The following CDK14 variants were observed in gnomAD, a reference collection of about 807,000 sequenced individuals.
CDK14 encodes cyclin dependent kinase 14, also known as cyclin-dependent kinase 14.
In CDK14, 34 loss-of-function variants were observed where a neutral mutation model predicts 60.7. The observed-to-expected ratio is 0.56, with a 90% CI of 0.43 to 0.75. The LOEUF (loss-of-function observed/expected upper bound fraction) is 0.75. CDK14 is among the 30% of genes least tolerant of loss of function. CDK14 has a pLI of 0.00. For synonymous variants in CDK14, 197 were observed against 203.7 expected (o/e 0.97, Z 0.28); for missense variants, 482 against 564.1 (o/e 0.85, Z 1.47).
chr7:90,876,245 C>T (rs891577310), intron 6 of CDK14, among the ~76,000 whole-genome samples: 4 of 152,178 alleles, frequency 2.6e-5, no homozygotes, highest in Non-Finnish European at 5.9e-5. Flanking sequence ...GAAAAAACTT[C>T]CAAACTCCTG....
intron 2 of CDK14, among the ~76,000 whole-genome samples, chr7:90,656,028 T>C (rs192848490): frequency 1.6e-4 from 24 of 152,318 alleles, no homozygotes; most frequent in African/African-American, 5.1e-4. Flanking sequence ...GATTAGCCCA[T>C]GTTTTTAAAG....
At chr7:90,793,399 G>T (rs1805912165) in intron 5 of CDK14, among the ~76,000 whole-genome samples, 1 of 152,184 alleles carries the variant, frequency 6.6e-6, no homozygotes, top group Non-Finnish European at 1.5e-5. Flanking sequence ...AAAAGATTGT[G>T]ATTTTTAAGG....
intron 12 of CDK14, among the ~76,000 whole-genome samples, chr7:91,101,086 A>G (rs1799135667): frequency 6.6e-6 from 1 of 152,234 alleles, no homozygotes. Context: ...GTTAACAAGA[A>G]TATAGAAAGA....
chr7:90,902,834 C>A (rs1792560081), intron 7 of CDK14, among the ~76,000 whole-genome samples: 1 of 152,084 alleles, frequency 6.6e-6, no homozygotes, highest in African/African-American at 2.4e-5. Context: ...TATTTGCAAA[C>A]TCTTCATCTG....
chr7:90,752,920 A>G (rs1434948258), intron 4 of CDK14, among the ~76,000 whole-genome samples: 1 of 152,156 alleles, frequency 6.6e-6, no homozygotes, highest in African/African-American at 2.4e-5. Flanking sequence ...TCTGGAACAC[A>G]TAACCTCCCA....
At chr7:91,057,312 G>A (rs1383326804) in intron 11 of CDK14, among the ~76,000 whole-genome samples, 3 of 152,060 alleles carry the variant, frequency 2.0e-5, no homozygotes, top group Non-Finnish European at 4.4e-5. Context: ...TTAGCCCTTT[G>A]TCAGATGAGT....
At chr7:91,170,964 C>T (rs1289855169) in intron 14 of CDK14, among the ~76,000 whole-genome samples, 1 of 151,834 alleles carries the variant, frequency 6.6e-6, no homozygotes, top group African/African-American at 2.4e-5. Context: ...GACAGGGTTT[C>T]ACCATGTCAG....
At chr7:91,198,649 A>T (rs73215188) in intron 14 of CDK14, among the ~76,000 whole-genome samples, 2,748 of 152,322 alleles carry the variant, frequency 0.018, 64 homozygotes, top group East Asian at 0.086. Flanking sequence ...TGCTGACATC[A>T]TTCTGTATTA....
At chr7:91,192,526 G>A (rs1052733879) in intron 14 of CDK14, among the ~76,000 whole-genome samples, 2 of 152,140 alleles carry the variant, frequency 1.3e-5, no homozygotes, top group African/African-American at 4.8e-5. Flanking sequence ...TCCCTTCTGA[G>A]AGGGAACTTA....
intron 6 of CDK14, among the ~76,000 whole-genome samples, chr7:90,884,066 T>C (rs1482665875): frequency 6.6e-6 from 1 of 152,188 alleles, no homozygotes; most frequent in African/African-American, 2.4e-5. Context: ...CTATTCAATA[T>C]AGTGTTGGAA....
intron 2 of CDK14, among the ~76,000 whole-genome samples, chr7:90,615,707 C>G (rs1455084026): frequency 6.6e-6 from 1 of 151,982 alleles, no homozygotes; most frequent in African/African-American, 2.4e-5. Flanking sequence ...TCTTGGATAA[C>G]TTAGTTGTCT....
chr7:91,177,024 C>CA (rs1201304310), intron 14 of CDK14, among the ~76,000 whole-genome samples: 1 of 149,620 alleles, frequency 6.7e-6, no homozygotes, highest in East Asian at 2.0e-4. Flanking sequence ...AATTTTAGAC[C>CA]AATATCCTTG....
chr7:91,062,743 A>G (rs1288999448), intron 11 of CDK14, among the ~76,000 whole-genome samples: 3 of 151,210 alleles, frequency 2.0e-5, no homozygotes, highest in African/African-American at 7.4e-5. Flanking sequence ...TGAGGAAAAT[A>G]CTGTTTCATG....
chr7:90,898,070 C>G (rs573595680), intron 6 of CDK14, among the ~76,000 whole-genome samples: 10 of 152,206 alleles, frequency 6.6e-5, no homozygotes, highest in Non-Finnish European at 1.3e-4. Context: ...CTACTCATGT[C>G]TTACTTAGAA....
chr7:90,813,105 A>G (rs934175087), intron 5 of CDK14, among the ~76,000 whole-genome samples: 1 of 152,176 alleles, frequency 6.6e-6, no homozygotes, highest in African/African-American at 2.4e-5. Flanking sequence ...ACATGTTTGA[A>G]CCTCATAAAC....
At chr7:91,082,961 A>C (rs1798523212) in intron 12 of CDK14, among the ~76,000 whole-genome samples, 1 of 152,162 alleles carries the variant, frequency 6.6e-6, no homozygotes, top group African/African-American at 2.4e-5. Flanking sequence ...AAATTTTCTA[A>C]CATAATAATA....
At chr7:91,090,372 G>T (rs748606202) in intron 12 of CDK14, among the ~76,000 whole-genome samples, 2 of 152,146 alleles carry the variant, frequency 1.3e-5, no homozygotes, top group East Asian at 1.9e-4. Flanking sequence ...AAGAATGTTC[G>T]CTATCTTCAC....
At chr7:90,917,532 A>C (rs2117418689) in intron 7 of CDK14, 69 bp from the exon 8 acceptor site, 1 of 1,504,552 alleles carries the variant, frequency 6.6e-7, no homozygotes, top group Middle Eastern at 1.8e-4. Flanking sequence ...ACAAGTACTT[A>C]GCAGACTGTA....
chr7:91,056,080 C>T (rs975992538), intron 11 of CDK14, among the ~76,000 whole-genome samples: 1 of 152,124 alleles, frequency 6.6e-6, no homozygotes, highest in Non-Finnish European at 1.5e-5. Context: ...AAATCAAGAT[C>T]TTAGGAAGGG....
Sources: allele counts gnomAD v4.1 joint callset (sites outside exome capture counted in the v4.1 genomes callset), GRCh38; gene constraint gnomAD v4.1.1; transcripts MANE v1.5; gene names NCBI Gene and HGNC (gene_info 2026-07-23, HGNC 2026-07-21).